Variants in LMNTD1 observed in about 807,000 individuals in gnomAD.
LMNTD1 encodes lamin tail domain-containing protein 1.
In LMNTD1, 35 loss-of-function variants were observed where a neutral mutation model predicts 50.9. The observed-to-expected ratio is 0.69, with a 90% CI of 0.53 to 0.91. The LOEUF (loss-of-function observed/expected upper bound fraction) is 0.91, where lower values mean the gene tolerates loss of function less well. LMNTD1 is among the 40% of genes least tolerant of loss of function. LMNTD1 has a pLI of 0.00. For missense variants in LMNTD1, 470 were observed against 475.5 expected (o/e 0.99, Z 0.11); for synonymous variants, 153 against 161.9 (o/e 0.94, Z 0.42).
intron 4 of LMNTD1, among the ~76,000 whole-genome samples, chr12:25,528,021 A>G (rs1941940267): frequency 6.6e-6 from 1 of 151,968 alleles, no homozygotes; most frequent in South Asian, 2.1e-4. Flanking sequence ...GTTATATGAT[A>G]TGTGTTCTAA....
At chr12:25,520,232 CT>C (rs1056538488) in intron 6 of LMNTD1, among the ~76,000 whole-genome samples, 157 bp from the exon 7 acceptor site, 2 of 143,758 alleles carry the variant, frequency 1.4e-5, no homozygotes, top group Non-Finnish European at 3.0e-5. Context: ...CACGTAGTTA[CT>C]TTTTTATGAC....
At chr12:25,492,321 C>T (rs752014590) in intron 9 of LMNTD1, among the ~76,000 whole-genome samples, 4 of 152,192 alleles carry the variant, frequency 2.6e-5, no homozygotes, top group Admixed American at 2.6e-4. Flanking sequence ...GAGACAGCTC[C>T]TTGCACATGT....
intron 1 of LMNTD1, among the ~76,000 whole-genome samples, chr12:25,601,638 C>T (rs1223784426): frequency 6.6e-6 from 1 of 151,428 alleles, no homozygotes; most frequent in Non-Finnish European, 1.5e-5. Context: ...TTTTTTAATC[C>T]CAGAGAAGAT....
intron 1 of LMNTD1, among the ~76,000 whole-genome samples, chr12:25,580,708 G>A (rs1945247385): frequency 6.6e-6 from 1 of 152,152 alleles, no homozygotes; most frequent in Admixed American, 6.6e-5. Context: ...TATGGATTTG[G>A]TAAGTTCAGA....
At chr12:25,496,654 A>G (rs1262836136) in intron 9 of LMNTD1, among the ~76,000 whole-genome samples, 1 of 152,220 alleles carries the variant, frequency 6.6e-6, no homozygotes, top group East Asian at 1.9e-4. Context: ...ATATCTTCTC[A>G]GAGGCTTGAG....
At chr12:25,599,480 G>C (rs1249469249) in intron 1 of LMNTD1, among the ~76,000 whole-genome samples, 1 of 151,964 alleles carries the variant, frequency 6.6e-6, no homozygotes, top group Non-Finnish European at 1.5e-5. Flanking sequence ...GAAATGAAGG[G>C]TATCCAAATT....
chr12:25,481,900 CACACACAT>C lies in LMNTD1; in HGVS notation c.*23-5448_*23-5441del, dbSNP rs1197140250. Among the ~76,000 whole-genome samples the C allele has an allele frequency of 1.4e-3, 213 of 149,608 alleles. 1 individual carries two copies. Among genetic ancestry groups the C allele is most frequent in the African/African-American group, 5.2e-3 (208 of 39,700 alleles). ...ACACACACACACACACACACACACA[CACACACAT>C]ATAGTGAAAGGTGGTTGAAAAATTT... On this transcript the variant is annotated intron_variant, in intron 9 of 9. Coordinates refer to ENST00000458174, the MANE Select transcript of LMNTD1 (RefSeq NM_001145728.2).
intron 4 of LMNTD1, among the ~76,000 whole-genome samples, chr12:25,530,706 T>C (rs1393118758): frequency 6.6e-6 from 1 of 152,188 alleles, no homozygotes; most frequent in African/African-American, 2.4e-5. Flanking sequence ...TCTTTTCCAA[T>C]ATTGTGTTAA....
At chr12:25,516,319 C>T (rs117645714) in intron 8 of LMNTD1, among the ~76,000 whole-genome samples, 9 of 152,184 alleles carry the variant, frequency 5.9e-5, no homozygotes, top group Non-Finnish European at 1.3e-4. Flanking sequence ...TATGCACATA[C>T]GGTGAAGTGC....
At chr12:25,590,653 T>C (rs553043495) in intron 1 of LMNTD1, among the ~76,000 whole-genome samples, 1 of 152,198 alleles carries the variant, frequency 6.6e-6, no homozygotes, top group South Asian at 2.1e-4. Flanking sequence ...TTGCCTCAGC[T>C]TGAGGAGAGG....
chr12:25,632,907 T>C (rs1215392199), intron 1 of LMNTD1, among the ~76,000 whole-genome samples: 4 of 152,004 alleles, frequency 2.6e-5, no homozygotes, highest in Non-Finnish European at 5.9e-5. Context: ...CAACCAACTA[T>C]CTGTTGCCTT....
chr12:25,500,887 G>C (rs777519647), intron 9 of LMNTD1, among the ~76,000 whole-genome samples: 1 of 152,186 alleles, frequency 6.6e-6, no homozygotes, highest in African/African-American at 2.4e-5. Context: ...GCATTTGAGA[G>C]CCTGACTCTG....
chr12:25,635,144 G>C (rs149238557), intron 1 of LMNTD1, among the ~76,000 whole-genome samples: 2,732 of 151,900 alleles, frequency 0.018, 81 homozygotes, highest in African/African-American at 0.062. Context: ...GGAGGCTGAG[G>C]GGGGAGAATC....
chr12:25,552,986 T>A lies in LMNTD1; in HGVS notation c.-27A>T. 1 of 1,610,392 alleles carries A rather than the reference T, an allele frequency of 6.2e-7. No individual in the cohort carries two copies. Among genetic ancestry groups the A allele is most frequent in the Non-Finnish European group, 8.5e-7 (1 of 1,177,596 alleles). On this transcript the variant is annotated 5_prime_UTR_variant, in exon 2 of 10. It adds an upstream start codon to the 5' untranslated region. Coordinates refer to ENST00000458174, the MANE Select transcript of LMNTD1 (RefSeq NM_001145728.2). ...TTGGCTAGAAAAGAAGTCTCTTTTC[T>A]TTCCTAGGAAAGCAGATCATGACAT...
At chr12:25,479,752 C>A (rs1201304609) in intron 9 of LMNTD1, among the ~76,000 whole-genome samples, 1 of 152,154 alleles carries the variant, frequency 6.6e-6, no homozygotes, top group African/African-American at 2.4e-5. Flanking sequence ...AGTGTCTATT[C>A]CAGTGAAGAC....
chr12:25,510,945 AG>A (rs1248926658), intron 8 of LMNTD1, among the ~76,000 whole-genome samples: 1 of 152,204 alleles, frequency 6.6e-6, no homozygotes, highest in African/African-American at 2.4e-5. Flanking sequence ...TTGCTTGGTG[AG>A]TGTAAGATAT....
intron 9 of LMNTD1, among the ~76,000 whole-genome samples, chr12:25,491,021 G>T (rs2135919462): frequency 6.6e-6 from 1 of 152,388 alleles, no homozygotes; most frequent in Admixed American, 6.5e-5. Flanking sequence ...TATGGCTCTT[G>T]CCAGATAGAG....
At chr12:25,478,342 C>T (rs528858774) in intron 9 of LMNTD1, among the ~76,000 whole-genome samples, 2 of 152,162 alleles carry the variant, frequency 1.3e-5, no homozygotes, top group African/African-American at 4.8e-5. Context: ...ACCGGAAATG[C>T]ACCAATCCCC....
At chr12:25,555,504 A>T (rs1944003969), upstream of LMNTD1, among the ~76,000 whole-genome samples, 1 of 152,254 alleles carries the variant, frequency 6.6e-6, no homozygotes, top group Admixed American at 6.5e-5. Context: ...GTAGAAATTT[A>T]TAAGACAGTA....
Sources: gnomAD v4.1 joint callset for allele counts (sites outside exome capture counted in the v4.1 genomes callset) on GRCh38, gnomAD v4.1.1 for gene constraint, MANE v1.5 for transcripts, NCBI Gene and HGNC (gene_info 2026-07-23, HGNC 2026-07-21) for gene names.